TGFA: variants seen among roughly 807,000 people sequenced by gnomAD.
TGFA encodes protransforming growth factor alpha.
Under a neutral mutation model 21.7 loss-of-function variants are expected in TGFA, and 12 were observed. That is an observed-to-expected ratio of 0.55 (90% confidence interval 0.35 to 0.90). The LOEUF (loss-of-function observed/expected upper bound fraction) is 0.90, where lower values mean the gene tolerates loss of function less well. Among genes scored for constraint, TGFA ranks in the 40% least tolerant of loss-of-function variants. TGFA has a pLI of 0.01. For missense variants in TGFA, 178 were observed against 210.8 expected, an observed-to-expected ratio of 0.84 and a Z score of 0.96; for synonymous variants, 79 against 88.1, an observed-to-expected ratio of 0.90 and a Z score of 0.58.
chr2:70,528,966 G>A (rs1302900213), intron 1 of TGFA, among the ~76,000 whole-genome samples: 6 of 152,186 alleles, frequency 3.9e-5, no homozygotes, highest in African/African-American at 9.7e-5. Flanking sequence ...TGGGTGGGAC[G>A]AGGGGGGCTT....
chr2:70,455,170 G>A (rs1338217083), intron 4 of TGFA, among the ~76,000 whole-genome samples: 1 of 152,186 alleles, frequency 6.6e-6, no homozygotes, highest in Non-Finnish European at 1.5e-5. Context: ...GGAGGGAAAG[G>A]CCAGCCCAGC....
chr2:70,447,289 G>GAA lies in TGFA; in HGVS notation c.*3568_*3569dup, dbSNP rs1383044791. On this transcript the variant is annotated 3_prime_UTR_variant, in exon 6 of 6. Transcript: ENST00000295400. Reference sequence around the variant, plus strand: ...AAGAAACACTCCAGTCTTGATTTAGGAAAAAAAGATTCATTCCTTCATCCT... The same window carrying GAA: ...AAGAAACACTCCAGTCTTGATTTAGGAAAAAAAAAGATTCATTCCTTCATCCT... 1.3e-5 allele frequency: 2 copies of GAA among 152,330 alleles called. No individual in the cohort carries two copies. The highest frequency in any genetic ancestry group is 2.9e-5 in the Non-Finnish European group (2 of 67,942). The allele number at this position is 152,330 out of a possible 1,614,324, so 9.4% of individuals were successfully genotyped here. A position where few individuals can be genotyped will look rare whatever the true frequency, so the allele number is the denominator to read the frequency against.
chr2:70,535,981 C>CT (rs1218063349), intron 1 of TGFA, among the ~76,000 whole-genome samples: 2 of 152,148 alleles, frequency 1.3e-5, no homozygotes, highest in East Asian at 3.8e-4. Flanking sequence ...TGGAGTAATG[C>CT]TTTTTTTCTC....
intron 2 of TGFA, among the ~76,000 whole-genome samples, chr2:70,506,838 A>G (rs1345029671): frequency 6.6e-6 from 1 of 152,214 alleles, no homozygotes; most frequent in African/African-American, 2.4e-5. Flanking sequence ...CTGGTTTCAG[A>G]GTCTTCACAT....
At chr2:70,541,139 GATAA>G (rs1673121011) in intron 1 of TGFA, among the ~76,000 whole-genome samples, 1 of 152,156 alleles carries the variant, frequency 6.6e-6, no homozygotes, top group South Asian at 2.1e-4. Context: ...TTAAAATGCT[GATAA>G]TAACTCAGTG....
intron 1 of TGFA, among the ~76,000 whole-genome samples, chr2:70,536,715 T>C (rs1672978683): frequency 6.6e-6 from 1 of 152,202 alleles, no homozygotes; most frequent in African/African-American, 2.4e-5. Context: ...AGAGGAAGAT[T>C]TATAGCACTT....
At chr2:70,547,107 C>T (rs1673328816) in intron 1 of TGFA, among the ~76,000 whole-genome samples, 1 of 152,132 alleles carries the variant, frequency 6.6e-6, no homozygotes, top group African/African-American at 2.4e-5. Context: ...AAATTTGTAG[C>T]TATTGCCACG....
chr2:70,474,976 G>A (rs1670878576), intron 2 of TGFA, among the ~76,000 whole-genome samples: 1 of 149,266 alleles, frequency 6.7e-6, no homozygotes, highest in Non-Finnish European at 1.5e-5. Context: ...AGCCGTGTGT[G>A]TGTGTGTGTG....
chr2:70,541,825 A>G (rs1673139859), intron 1 of TGFA, among the ~76,000 whole-genome samples: 1 of 152,180 alleles, frequency 6.6e-6, no homozygotes, highest in Non-Finnish European at 1.5e-5. Flanking sequence ...CTTTCATTCC[A>G]GTTCAGGGAC....
At position 70,453,454 on chromosome 2, in the gene TGFA, G is replaced by C. The variant is rs1574064605; in HGVS notation, c.366-127C>G. On this transcript the variant is annotated intron_variant, in intron 4 of 5. Coordinates refer to ENST00000295400, the MANE Select transcript of TGFA (RefSeq NM_003236.4). ...ACCAGCTCCAAACCAGCTCCCCATG[G>C]GGGCTTCTAGAGGGACAGGCACCAT... The C allele has an allele frequency of 6.8e-6, 5 of 736,692 alleles. No homozygotes were observed. The South Asian group carries it at 9.6e-5, about 14-fold the overall frequency. The allele number at this position is 736,692 out of a possible 1,614,324, so 45.6% of individuals were successfully genotyped here.
intron 2 of TGFA, among the ~76,000 whole-genome samples, chr2:70,483,678 C>T (rs1254710277): frequency 6.6e-6 from 1 of 152,158 alleles, no homozygotes; most frequent in Non-Finnish European, 1.5e-5. Context: ...TACCTGTCTG[C>T]TCCCAAAGAT....
At chr2:70,499,581 G>A (rs1238014561) in intron 2 of TGFA, among the ~76,000 whole-genome samples, 1 of 152,220 alleles carries the variant, frequency 6.6e-6, no homozygotes, top group Non-Finnish European at 1.5e-5. Context: ...ACTTTTAGAA[G>A]TAACCTCGAT....
chr2:70,532,544 A>G (rs1438973781), intron 1 of TGFA, among the ~76,000 whole-genome samples: 4 of 152,308 alleles, frequency 2.6e-5, no homozygotes, highest in Admixed American at 1.3e-4. Flanking sequence ...CCTCATTCAC[A>G]AGGGCGGCTG....
intron 1 of TGFA, among the ~76,000 whole-genome samples, chr2:70,541,175 T>G (rs1489719185): frequency 1.3e-5 from 2 of 152,246 alleles, no homozygotes; most frequent in African/African-American, 4.8e-5. Flanking sequence ...CATTTCAGGT[T>G]TGAATATTTA....
At chr2:70,481,914 G>C (rs1485585281) in intron 2 of TGFA, among the ~76,000 whole-genome samples, 1 of 152,186 alleles carries the variant, frequency 6.6e-6, no homozygotes, top group East Asian at 1.9e-4. Context: ...ACCTCAATGA[G>C]AGACCCTGAC....
intron 1 of TGFA, among the ~76,000 whole-genome samples, chr2:70,545,144 C>T (rs1402961887): frequency 6.6e-6 from 1 of 151,732 alleles, no homozygotes; most frequent in South Asian, 2.1e-4. Context: ...AATATATATA[C>T]CTACTATGTA....
chr2:70,536,238 G>A (rs530500062), intron 1 of TGFA, among the ~76,000 whole-genome samples: 1 of 152,292 alleles, frequency 6.6e-6, no homozygotes, highest in East Asian at 1.9e-4. Context: ...TAACAACAGT[G>A]TCAAAATCCA....
At chr2:70,502,730 T>C (rs1227899353) in intron 2 of TGFA, among the ~76,000 whole-genome samples, 1 of 152,256 alleles carries the variant, frequency 6.6e-6, no homozygotes, top group Non-Finnish European at 1.5e-5. Context: ...ATCAATTGGC[T>C]CAGGCCATCT....
chr2:70,468,085 T>C (rs566569696), intron 2 of TGFA, among the ~76,000 whole-genome samples: 4 of 152,346 alleles, frequency 2.6e-5, no homozygotes, highest in African/African-American at 7.2e-5. Context: ...GGTATGACAC[T>C]CAGCTGTTAG....
Sources: allele counts gnomAD v4.1 joint callset (sites outside exome capture counted in the v4.1 genomes callset), GRCh38; gene constraint gnomAD v4.1.1; transcripts MANE v1.5; gene names NCBI Gene and HGNC (gene_info 2026-07-23, HGNC 2026-07-21).